The following STAU2 variants were observed in gnomAD, a reference collection of about 807,000 sequenced individuals.
The protein encoded by STAU2 is double-stranded RNA-binding protein Staufen homolog 2.
STAU2 carries 20 observed loss-of-function variants against 65.9 expected under a neutral mutation model. The observed-to-expected ratio is 0.30, with a 90% CI of 0.21 to 0.44. The LOEUF (loss-of-function observed/expected upper bound fraction) is 0.44, where lower values mean the gene tolerates loss of function less well. STAU2 is among the 20% of genes least tolerant of loss of function. The probability of loss-of-function intolerance (pLI) is 1.00; values close to 1 mark genes in which losing one functional copy is unlikely to be tolerated. For synonymous variants in STAU2, 232 were observed against 233.9 expected (o/e 0.99, Z 0.07); for missense variants, 558 against 683.9 (o/e 0.82, Z 2.05).
chr8:73,422,273 A>G (rs1236814149), intron 14 of STAU2, among the ~76,000 whole-genome samples: 2 of 152,238 alleles, frequency 1.3e-5, no homozygotes, highest in Non-Finnish European at 2.9e-5. Context: ...TTCACCGCTG[A>G]AAATGGCTTA....
At chr8:73,631,558 T>C (rs901188534) in intron 6 of STAU2, among the ~76,000 whole-genome samples, 4 of 152,170 alleles carry the variant, frequency 2.6e-5, no homozygotes, top group Admixed American at 6.5e-5. Context: ...TTAAAAATTG[T>C]AAAGGCCATT....
intron 12 of STAU2, among the ~76,000 whole-genome samples, chr8:73,556,744 C>CA (rs1321427676): frequency 1.3e-5 from 2 of 151,070 alleles, no homozygotes; most frequent in African/African-American, 2.4e-5. Context: ...GCAACTGTCT[C>CA]AAAAAAAAAT....
At chr8:73,724,220 T>C (rs1364916510) in intron 3 of STAU2, among the ~76,000 whole-genome samples, 1 of 152,158 alleles carries the variant, frequency 6.6e-6, no homozygotes, top group Non-Finnish European at 1.5e-5. Flanking sequence ...TAATCATTGT[T>C]GTTTCTACAT....
At chr8:73,479,288 A>C (rs1368139942) in intron 13 of STAU2, among the ~76,000 whole-genome samples, 1 of 152,062 alleles carries the variant, frequency 6.6e-6, no homozygotes, top group Non-Finnish European at 1.5e-5. Context: ...TCATTTTTTA[A>C]ATAATTTGTC....
chr8:73,668,721 T>C (rs1308020910), intron 6 of STAU2, among the ~76,000 whole-genome samples: 1 of 151,594 alleles, frequency 6.6e-6, no homozygotes, highest in East Asian at 1.9e-4. Flanking sequence ...TTGTCAAACA[T>C]CTTGGGCATA....
At chr8:73,582,395 A>G (rs549550932) in intron 12 of STAU2, among the ~76,000 whole-genome samples, 238 of 150,388 alleles carry the variant, frequency 1.6e-3, no homozygotes, top group Middle Eastern at 7.2e-3. Context: ...TTGACAGTAT[A>G]ATCAGCTTAT....
intron 3 of STAU2, among the ~76,000 whole-genome samples, chr8:73,714,951 G>C (rs1358386844): frequency 6.6e-6 from 1 of 151,416 alleles, no homozygotes; most frequent in Non-Finnish European, 1.5e-5. Flanking sequence ...CATGATGGCG[G>C]GTGCCTGTAA....
chr8:73,424,515 C>T (rs1018654273), intron 13 of STAU2, among the ~76,000 whole-genome samples: 11 of 151,890 alleles, frequency 7.2e-5, no homozygotes, highest in African/African-American at 2.4e-4. Context: ...TTTTTGTGAA[C>T]GATATGGCTT....
intron 12 of STAU2, among the ~76,000 whole-genome samples, chr8:73,567,229 C>T (rs543692290): frequency 5.9e-5 from 9 of 152,228 alleles, no homozygotes; most frequent in Admixed American, 2.0e-4. Context: ...AAAAAAAGGC[C>T]GGGCGCAGTG....
At position 73,630,255 on chromosome 8, in the gene STAU2, A is replaced by G. The variant is rs982065465; in HGVS notation, c.411-12804T>C. 3.3e-5 allele frequency among the ~76,000 whole-genome samples: 5 copies of G among 152,348 alleles called. No individual in the cohort carries two copies. In the South Asian group the frequency reaches 1.0e-3, roughly 32 times the overall value. On this transcript the variant is annotated intron_variant, in intron 6 of 14. Transcript: ENST00000524300. ...GCAGATACGCAAGGTATGCTTTTAC[A>G]TCGGTTAGTCAGTGTGAACTGTCTC...
At chr8:73,493,679 G>A (rs1018050518) in intron 13 of STAU2, among the ~76,000 whole-genome samples, 2 of 151,702 alleles carry the variant, frequency 1.3e-5, no homozygotes, top group South Asian at 2.1e-4. Flanking sequence ...GTTGGTGGGA[G>A]TGTCAAATGG....
At chr8:73,717,119 G>C (rs900713278) in intron 3 of STAU2, among the ~76,000 whole-genome samples, 1 of 151,946 alleles carries the variant, frequency 6.6e-6, no homozygotes, top group Non-Finnish European at 1.5e-5. Flanking sequence ...AATAAATAAA[G>C]TAGTAGGAAA....
chr8:73,439,481 G>A (rs1223097765), intron 13 of STAU2, among the ~76,000 whole-genome samples: 2 of 152,186 alleles, frequency 1.3e-5, no homozygotes, highest in African/African-American at 4.8e-5. Flanking sequence ...AGCCTCACAT[G>A]GGGGTGCACG....
intron 4 of STAU2, among the ~76,000 whole-genome samples, chr8:73,689,535 T>C (rs1369239341): frequency 6.8e-6 from 1 of 147,916 alleles, no homozygotes; most frequent in African/African-American, 2.4e-5. Flanking sequence ...ACAAAGGCTC[T>C]ACCTGTGCAT....
intron 13 of STAU2, among the ~76,000 whole-genome samples, chr8:73,443,661 G>C (rs1818319488): frequency 6.6e-6 from 1 of 152,090 alleles, no homozygotes; most frequent in Non-Finnish European, 1.5e-5. Flanking sequence ...AGACCAGGCT[G>C]GGCAACATAG....
rs1811830566 is a variant in STAU2, at chr8:73,604,010, A to T, written c.892-147T>A. 8 of 953,636 alleles carry T rather than the reference A, an allele frequency of 8.4e-6. No individual in the cohort carries two copies. The Middle Eastern group carries it at 1.4e-3, about 164-fold the overall frequency. The allele number at this position is 953,636 out of a possible 1,614,324, so 59.1% of individuals were successfully genotyped here. A position where few individuals can be genotyped will look rare whatever the true frequency, so the allele number is the denominator to read the frequency against. On this transcript the variant is annotated intron_variant, in intron 9 of 14. Coordinates refer to ENST00000524300, the MANE Select transcript of STAU2 (RefSeq NM_001164380.2). ...ATGAGTCATTTATGAATATTTATAA[A>T]GGAAAATCATAAAATAGACCTGTAA...
At chr8:73,577,724 C>T (rs140898663) in intron 12 of STAU2, among the ~76,000 whole-genome samples, 1,600 of 152,166 alleles carry the variant, frequency 0.011, 21 homozygotes, top group African/African-American at 0.036. Context: ...GTCTGTTTCC[C>T]CAACAGTTGG....
At chr8:73,738,463 C>A in intron 2 of STAU2, 114 bp from the exon 3 acceptor site, 1 of 721,826 alleles carries the variant, frequency 1.4e-6, no homozygotes. Flanking sequence ...TTATCCAGAT[C>A]TCCATAGAAC....
chr8:73,690,636 T>C (rs1197747919), intron 4 of STAU2, among the ~76,000 whole-genome samples: 2 of 152,254 alleles, frequency 1.3e-5, no homozygotes, highest in South Asian at 2.1e-4. Context: ...CAAGGAAAAA[T>C]TATATGTCAA....
Sources: allele counts gnomAD v4.1 joint callset (sites outside exome capture counted in the v4.1 genomes callset), GRCh38; gene constraint gnomAD v4.1.1; transcripts MANE v1.5; gene names NCBI Gene and HGNC (gene_info 2026-07-23, HGNC 2026-07-21).